Variants in ZNF569 observed in about 807,000 individuals in gnomAD.
ZNF569 encodes the protein DNA-binding protein.
In ZNF569, 38 loss-of-function variants were observed where a neutral mutation model predicts 56.3. That is an observed-to-expected ratio of 0.68 (90% CI 0.52 to 0.88). The LOEUF is 0.88. Ranked by LOEUF, ZNF569 falls within the 40% of genes least tolerant of loss-of-function variation. ZNF569 has a pLI of 0.00. For missense variants in ZNF569, 666 were observed against 809.2 expected, an observed-to-expected ratio of 0.82 and a Z score of 2.15; for synonymous variants, 241 against 262.9, an observed-to-expected ratio of 0.92 and a Z score of 0.81.
chr19:37,420,373 T>C (rs764871782), intron 5 of ZNF569, among the ~76,000 whole-genome samples: 1 of 152,176 alleles, frequency 6.6e-6, no homozygotes, highest in African/African-American at 2.4e-5. Context: ...TGTTGTTTGA[T>C]AGTACTTTAC....
At chr19:37,460,317 A>T (rs578222675) in intron 2 of ZNF569, among the ~76,000 whole-genome samples, 1 of 152,192 alleles carries the variant, frequency 6.6e-6, no homozygotes, top group South Asian at 2.1e-4. Context: ...TAATTTTTGT[A>T]TTTTTAGTAG....
intron 3 of ZNF569, among the ~76,000 whole-genome samples, chr19:37,430,380 TC>T (rs143084464): frequency 9.1e-4 from 138 of 152,218 alleles, no homozygotes; most frequent in Admixed American, 2.0e-3. Context: ...CTCAATGAAT[TC>T]CAAGTAGGAT....
chr19:37,435,598 C>A (rs1304562781), intron 3 of ZNF569, among the ~76,000 whole-genome samples: 1 of 152,056 alleles, frequency 6.6e-6, no homozygotes, highest in African/African-American at 2.4e-5. Flanking sequence ...ACCCAAAAAT[C>A]CATTGCCTAC....
At position 37,413,615 on chromosome 19, in the gene ZNF569, T is replaced by C; in HGVS notation, c.1043A>G (p.His348Arg). ...ACATTTATAAGGTTTTTCTCCTGTA[T>C]GACTTCTCATATGAAGAGCAAGGGA... ...IASLALHMRS[H>R]TGEKPYKCDK... The change falls in exon 6 of 6, where the codon CAT (histidine) becomes CGT (arginine). Residue 348 changes from histidine (H) to arginine (R), a missense_variant. Transcript: ENST00000316950. The C allele has an allele frequency of 6.2e-7, 1 of 1,614,022 alleles. No homozygotes were observed. The highest frequency in any genetic ancestry group is 2.2e-5 in the East Asian group (1 of 44,862).
At chr19:37,440,624 A>G (rs1230801275) in intron 3 of ZNF569, among the ~76,000 whole-genome samples, 1 of 152,238 alleles carries the variant, frequency 6.6e-6, no homozygotes, top group African/African-American at 2.4e-5. Context: ...AAAGAATTCA[A>G]TGCTAGCAGA....
In ZNF569 at chr19:37,413,762, T is replaced by C. The variant is rs1180082727; in HGVS notation, c.896A>G (p.Glu299Gly). The change falls in exon 6 of 6, where the codon GAA (glutamate) becomes GGA (glycine). Residue 299 changes from glutamate (E) to glycine (G), a missense_variant. Coordinates refer to ENST00000316950, the MANE Select transcript of ZNF569 (RefSeq NM_152484.3). ...EKIHTGEKPY[E>G]CNECGKAFSQ... is the part of the protein sequence containing the mutation. ...GAATGCTTTTCCACACTCATTACAT[T>C]CATAAGGTTTCTCTCCAGTATGAAT... 6 of 1,613,624 alleles carry C rather than the reference T, an allele frequency of 3.7e-6. No homozygotes were observed. The highest frequency in any genetic ancestry group is 5.1e-6 in the Non-Finnish European group (6 of 1,179,906).
intron 2 of ZNF569, among the ~76,000 whole-genome samples, chr19:37,449,647 C>CT (rs548886505): frequency 0.035 from 4,886 of 138,518 alleles, 208 homozygotes; most frequent in African/African-American, 0.1. Flanking sequence ...GTTGCTTCCT[C>CT]TTTTTTTTTT....
At chr19:37,461,835 A>G (rs1409144134) in intron 2 of ZNF569, among the ~76,000 whole-genome samples, 1 of 152,162 alleles carries the variant, frequency 6.6e-6, no homozygotes, top group Non-Finnish European at 1.5e-5. Context: ...TCTTTGCTTC[A>G]TGAAACCAAC....
chr19:37,427,073 T>C (rs2041145401), intron 3 of ZNF569, among the ~76,000 whole-genome samples: 1 of 152,176 alleles, frequency 6.6e-6, no homozygotes, highest in Non-Finnish European at 1.5e-5. Flanking sequence ...ATCCCAGCAC[T>C]TTAGGAGACT....
chr19:37,440,963 C>T (rs2041394474), intron 3 of ZNF569, among the ~76,000 whole-genome samples: 1 of 152,138 alleles, frequency 6.6e-6, no homozygotes, highest in African/African-American at 2.4e-5. Flanking sequence ...CTTCCATGGC[C>T]TTATTTTATA....
chr19:37,435,007 G>A (rs185611357), intron 3 of ZNF569, among the ~76,000 whole-genome samples: 30 of 152,212 alleles, frequency 2.0e-4, no homozygotes, highest in Admixed American at 1.6e-3. Context: ...ACACGTGCGC[G>A]TGTGACACTT....
At chr19:37,444,047 A>T (rs1406290475) in intron 3 of ZNF569, among the ~76,000 whole-genome samples, 1 of 152,104 alleles carries the variant, frequency 6.6e-6, no homozygotes, top group Non-Finnish European at 1.5e-5. Context: ...AAATAAATAA[A>T]TAAATTTATG....
intron 5 of ZNF569, among the ~76,000 whole-genome samples, chr19:37,421,346 T>G (rs1334096462): frequency 6.6e-6 from 1 of 152,218 alleles, no homozygotes; most frequent in Non-Finnish European, 1.5e-5. Context: ...GATGGCATCT[T>G]CTTCCAATAG....
chr19:37,461,179 G>C (rs2041751156), intron 2 of ZNF569, among the ~76,000 whole-genome samples: 1 of 152,084 alleles, frequency 6.6e-6, no homozygotes. Context: ...ACGAAGTAAT[G>C]ACAGAATTAG....
intron 3 of ZNF569, among the ~76,000 whole-genome samples, chr19:37,437,546 T>C (rs1206954324): frequency 6.6e-6 from 1 of 152,186 alleles, no homozygotes; most frequent in Non-Finnish European, 1.5e-5. Context: ...ATTATCCTTG[T>C]TTGCATGTGA....
At chr19:37,437,910 T>C (rs1463134931) in intron 3 of ZNF569, among the ~76,000 whole-genome samples, 4 of 120,490 alleles carry the variant, frequency 3.3e-5, no homozygotes, top group South Asian at 4.9e-4. Flanking sequence ...AAGCAATCTA[T>C]AGATTCAATG....
chr19:37,444,514 C>A (rs1028823960), intron 3 of ZNF569, among the ~76,000 whole-genome samples: 1 of 151,898 alleles, frequency 6.6e-6, no homozygotes, highest in African/African-American at 2.4e-5. Context: ...TATCCTTGAT[C>A]GAAAGAGAAC....
Position 37,413,116 on chromosome 19 carries a change from T to C in ZNF569, c.1542A>G (p.Lys514=). ...CATAAGGTTTCTCTCCAGTATGAAC[T>C]TTTTGATGTGTAATGAAGTTTTGCT... ...SQKQNFITHQ[K]VHTGEKPYDC... is the part of the protein sequence containing the mutation. The change falls in exon 6 of 6, where the codon AAA becomes AAG. Residue 514 remains lysine (K), a synonymous_variant. Transcript: ENST00000316950. The C allele has an allele frequency of 6.2e-7, 1 of 1,612,194 alleles. No homozygotes were observed. The highest frequency in any genetic ancestry group is 8.5e-7 in the Non-Finnish European group (1 of 1,179,324).
intron 2 of ZNF569, chr19:37,454,845 G>A: frequency 1.4e-6 from 1 of 702,392 alleles, no homozygotes; most frequent in Non-Finnish European, 2.6e-6. Context: ...GGCTTATATG[G>A]TGTCTGGCAG....
Sources: gnomAD v4.1 joint callset for allele counts (sites outside exome capture counted in the v4.1 genomes callset) on GRCh38, gnomAD v4.1.1 for gene constraint, MANE v1.5 for transcripts, NCBI Gene and HGNC (gene_info 2026-07-23, HGNC 2026-07-21) for gene names.